The following CSF1R variants were observed in gnomAD, a reference collection of about 807,000 sequenced individuals.
CSF1R encodes macrophage colony-stimulating factor 1 receptor.
Under a neutral mutation model 110.0 loss-of-function variants are expected in CSF1R, and 40 were observed. That is an observed-to-expected ratio of 0.36 (90% CI 0.28 to 0.47). The LOEUF is 0.47. CSF1R is among the 20% of genes least tolerant of loss of function. The pLI is 0.99. For missense variants in CSF1R, 1,052 were observed against 1,253.0 expected (o/e 0.84, Z 2.42); for synonymous variants, 523 against 503.4 (o/e 1.04, Z -0.52).
At position 150,086,263 on chromosome 5, in the gene CSF1R, T is replaced by C. The variant is rs748350388; in HGVS notation, c.49+116A>G. On this transcript the variant is annotated intron_variant, in intron 1 of 20. Coordinates refer to ENST00000675795, the MANE Select transcript of CSF1R (RefSeq NM_001288705.3). ...ATACCCACAAGCCTGCAGTCCAGTG[T>C]TGGGGAGACTAAAACAGCCTGAGGA... 968 of 989,394 alleles carry C rather than the reference T, an allele frequency of 9.8e-4. 3 individuals are homozygous for C. The highest frequency in any genetic ancestry group is 6.1e-4 in the Non-Finnish European group (396 of 649,020). The allele number at this position is 989,394 out of a possible 1,614,324, so 61.3% of individuals were successfully genotyped here. A position where few individuals can be genotyped will look rare whatever the true frequency, so the allele number is the denominator to read the frequency against.
intron 1 of CSF1R, among the ~76,000 whole-genome samples, chr5:150,084,255 C>G (rs911789559): frequency 5.3e-5 from 8 of 151,136 alleles, no homozygotes; most frequent in Non-Finnish European, 8.9e-5. Flanking sequence ...GCTTGAACCC[C>G]GGAGGCGGAG....
intron 6 of CSF1R, among the ~76,000 whole-genome samples, chr5:150,072,687 G>T (rs1758078467): frequency 6.6e-6 from 1 of 152,138 alleles, no homozygotes; most frequent in Non-Finnish European, 1.5e-5. Flanking sequence ...TAAAATGTGT[G>T]TGGAATACAC....
At chr5:150,081,155 C>G (rs981289752) in intron 1 of CSF1R, 131 bp from the exon 2 acceptor site, 1 of 991,826 alleles carries the variant, frequency 1.0e-6, no homozygotes, top group African/African-American at 1.6e-5. Context: ...TGAACGAGCC[C>G]CTGCCCCCTG....
chr5:150,092,063 C>A, intron 1 of CSF1R, among the ~76,000 whole-genome samples: 1 of 152,086 alleles, frequency 6.6e-6, no homozygotes, highest in East Asian at 1.9e-4. Context: ...TGTCAAGGAC[C>A]AAATAGTAAG....
chr5:150,062,011 T>C (rs1757556430), intron 10 of CSF1R, among the ~76,000 whole-genome samples, 162 bp from the exon 11 acceptor site: 2 of 152,152 alleles, frequency 1.3e-5, no homozygotes, highest in Admixed American at 6.5e-5. Context: ...CTCATGAACA[T>C]AGCACTGAGA....
intron 5 of CSF1R, among the ~76,000 whole-genome samples, chr5:150,076,168 ACT>A (rs199692631): frequency 0.01 from 1,580 of 151,724 alleles, 15 homozygotes; most frequent in South Asian, 0.046. Flanking sequence ...TGCATCTCAG[ACT>A]CTTCCACACA....
At chr5:150,070,998 G>A (rs1758008902) in intron 6 of CSF1R, among the ~76,000 whole-genome samples, 1 of 152,224 alleles carries the variant, frequency 6.6e-6, no homozygotes, top group South Asian at 2.1e-4. Context: ...CCATGTTGCT[G>A]CAGAGACTGG....
rs564673737 is a variant in CSF1R, at chr5:150,069,808, C to T, written c.1510+65G>A. On this transcript the variant is annotated intron_variant, in intron 9 of 20. Transcript: ENST00000675795. ...CCTCGGTGGGGGGTGGGGGAGGAGC[C>T]GCCTAAAGGAGCAGGGGCGGGGGGC... 79 of 1,385,116 alleles carry T rather than the reference C, an allele frequency of 5.7e-5. No homozygotes were observed. The African/African-American group carries it at 1.1e-3, about 20-fold the overall frequency. The allele number at this position is 1,385,116 out of a possible 1,614,324, so 85.8% of individuals were successfully genotyped here.
Position 150,080,974 on chromosome 5 carries a change from G to C in CSF1R, c.100C>G (p.Pro34Ala), listed in dbSNP as rs1758515301. ...EPSVPELVVK[P>A]GATVTLRCVG... ...CATCGCAAGGTCACCGTTGCTCCTG[G>C]CTTCACGACCAGCTCAGGGACACTG... is the stretch of plus-strand genomic sequence containing the variant. The change falls in exon 2 of 21, where the codon CCA becomes GCA. Residue 34 changes from proline (P) to alanine (A), a missense_variant. This residue lies in a region of CSF1R where 693 missense variants were observed against 735.4 expected (regional missense o/e 0.94). Coordinates refer to ENST00000675795, the MANE Select transcript of CSF1R (RefSeq NM_001288705.3). The C allele has an allele frequency of 6.2e-7, 1 of 1,614,102 alleles. No homozygotes were observed. Among genetic ancestry groups the C allele is most frequent in the South Asian group, 1.1e-5 (1 of 91,062 alleles).
At chr5:150,063,209 G>A (rs948041014) in intron 10 of CSF1R, among the ~76,000 whole-genome samples, 22 of 152,110 alleles carry the variant, frequency 1.4e-4, no homozygotes, top group Non-Finnish European at 2.6e-4. Flanking sequence ...GGGCTTTGTC[G>A]CAGCCTAGGC....
At chr5:150,105,614 C>A (rs189630989) in intron 1 of CSF1R, among the ~76,000 whole-genome samples, 2 of 152,076 alleles carry the variant, frequency 1.3e-5, no homozygotes, top group East Asian at 3.9e-4. Flanking sequence ...CCTCAAACTC[C>A]TGGGCTCAAG....
At position 150,080,851 on chromosome 5, in the gene CSF1R, T is replaced by C. The variant is rs1325333723; in HGVS notation, c.223A>G (p.Thr75Ala). 1 of 1,614,136 alleles carries C rather than the reference T, an allele frequency of 6.2e-7. No individual in the cohort carries two copies. Among genetic ancestry groups the C allele is most frequent in the Non-Finnish European group, 8.5e-7 (1 of 1,180,012 alleles). Residue 75 changes from threonine (T) to alanine (A), a missense_variant, in exon 2 of 21, where the codon ACC becomes GCC. Transcript: ENST00000675795. The part of the protein sequence containing the change: ...SSSILSTNNA[T>A]FQNTGTYRCT... The stretch of plus-strand genomic sequence containing the variant: ...CGATAGGTCCCCGTGTTTTGGAAGG[T>C]AGCGTTGTTGGTGCTGAGGATGCTG...
intron 9 of CSF1R, among the ~76,000 whole-genome samples, chr5:150,069,268 C>G (rs1757923849): frequency 6.6e-6 from 1 of 152,180 alleles, no homozygotes; most frequent in South Asian, 2.1e-4. Context: ...CCTGAGGATG[C>G]TGTGGGCCTC....
At chr5:150,076,536 T>C (rs1302948557) in intron 5 of CSF1R, among the ~76,000 whole-genome samples, 1 of 152,086 alleles carries the variant, frequency 6.6e-6, no homozygotes. Flanking sequence ...ACGAAGTGCC[T>C]CCTCTGTACA....
At chr5:150,111,350 C>T (rs183264460) in intron 1 of CSF1R, among the ~76,000 whole-genome samples, 139 of 152,332 alleles carry the variant, frequency 9.1e-4, no homozygotes, top group African/African-American at 3.3e-3. Flanking sequence ...GCTCACCCGT[C>T]TTCCCTGGGC....
At chr5:150,057,135 CCTTG>C in intron 16 of CSF1R, 148 bp downstream of exon 16, 2 of 656,168 alleles carry the variant, frequency 3.0e-6, no homozygotes, top group Non-Finnish European at 5.3e-6. Flanking sequence ...TCCCACTCAT[CCTTG>C]CAGCTGCTGC....
At position 150,055,146 on chromosome 5, in the gene CSF1R, GACAGGGAAAGATCAGGGCC is replaced by G. The variant is rs554233301; in HGVS notation, c.2654+72_2654+90del. The G allele has an allele frequency of 1.3e-4, 151 of 1,164,384 alleles. No homozygotes were observed. The East Asian group carries it at 3.3e-3, about 26-fold the overall frequency. The allele number at this position is 1,164,384 out of a possible 1,614,324, so 72.1% of individuals were successfully genotyped here. On this transcript the variant is annotated intron_variant, in intron 19 of 20. Transcript: ENST00000675795. The stretch of plus-strand genomic sequence containing the variant: ...TAAAGTCTGACCCTGGAACATTTTG[GACAGGGAAAGATCAGGGCC>G]ACACGGCCTTCCATCCCTTTCCAGC...
chr5:150,094,158 T>A, intron 1 of CSF1R: 2 of 555,790 alleles, frequency 3.6e-6, no homozygotes, highest in Non-Finnish European at 3.1e-6. Context: ...TCAGACAAAA[T>A]AGACTTCAGA....
intron 1 of CSF1R, among the ~76,000 whole-genome samples, chr5:150,111,115 A>G (rs189537083): frequency 6.6e-6 from 1 of 152,232 alleles, no homozygotes; most frequent in Non-Finnish European, 1.5e-5. Context: ...ACCGAACATT[A>G]TAACTAAAAT....
Sources: allele counts gnomAD v4.1 joint callset (sites outside exome capture counted in the v4.1 genomes callset), GRCh38; gene constraint gnomAD v4.1.1; regional missense constraint gnomAD v4.1.1; transcripts MANE v1.5; gene names NCBI Gene and HGNC (gene_info 2026-07-23, HGNC 2026-07-21).